SRGAP1: variants seen among roughly 807,000 people sequenced by gnomAD.
The protein encoded by SRGAP1 is SLIT-ROBO Rho GTPase activating protein 1, also known as SLIT-ROBO Rho GTPase-activating protein 1.
A neutral mutation model predicts 121.9 loss-of-function variants in SRGAP1; 43 were observed. The ratio of observed to expected loss-of-function variants is 0.35; its 90% CI spans 0.28 to 0.46. The LOEUF is 0.46. SRGAP1 is among the 20% of genes least tolerant of loss of function. The pLI, the probability that SRGAP1 is intolerant of heterozygous loss-of-function variation, is 1.00. For synonymous variants in SRGAP1, 447 were observed against 485.4 expected, an observed-to-expected ratio of 0.92 and a Z score of 1.04; for missense variants, 1,102 against 1,350.9, an observed-to-expected ratio of 0.82 and a Z score of 2.89.
chr12:63,946,011 C>A (rs999820916), intron 1 of SRGAP1, among the ~76,000 whole-genome samples: 1 of 150,956 alleles, frequency 6.6e-6, no homozygotes, highest in Non-Finnish European at 1.5e-5. Flanking sequence ...ACCTTCCTAC[C>A]TGGTTCACCC....
intron 21 of SRGAP1, among the ~76,000 whole-genome samples, chr12:64,133,269 A>G (rs1448005423): frequency 2.0e-5 from 3 of 152,104 alleles, no homozygotes; most frequent in African/African-American, 7.2e-5. Context: ...TTCCCACCAT[A>G]ATAGCCCCCA....
chr12:64,130,866 G>T (rs2036774272), intron 21 of SRGAP1, among the ~76,000 whole-genome samples: 1 of 152,074 alleles, frequency 6.6e-6, no homozygotes, highest in Non-Finnish European at 1.5e-5. Context: ...GTCTATTCCA[G>T]TGAGGACAAA....
In SRGAP1 at chr12:64,114,331, CTTTTTTTTT is replaced by C. The variant is rs957049187; in HGVS notation, c.2145-1465_2145-1457del. On this transcript the variant is annotated intron_variant, in intron 17 of 21. Transcript: ENST00000355086. ...AGGCCAGTACCAAAGATATGGTTAG[CTTTTTTTTT>C]TTTTTTTTTTTTTTTTTGGAGACAG... Among the ~76,000 whole-genome samples, 161 of 89,246 alleles carry C rather than the reference CTTTTTTTTT, an allele frequency of 1.8e-3. 1 individual carries two copies. Among genetic ancestry groups the C allele is most frequent in the African/African-American group, 7.5e-3 (157 of 20,932 alleles). 58.5% of individuals were successfully genotyped at this position (89,246 alleles called of 152,430 possible).
chr12:63,900,022 G>T (rs1246354761), intron 1 of SRGAP1, among the ~76,000 whole-genome samples: 1 of 151,948 alleles, frequency 6.6e-6, no homozygotes, highest in Non-Finnish European at 1.5e-5. Flanking sequence ...GTTTATTTTG[G>T]GGGAGAGCAT....
At chr12:63,868,028 C>G (rs1592897374) in intron 1 of SRGAP1, among the ~76,000 whole-genome samples, 1 of 67,510 alleles carries the variant, frequency 1.5e-5, no homozygotes, top group African/African-American at 5.4e-5. Context: ...CTGATAAATT[C>G]TATTTCCATA....
At chr12:64,135,528 A>G (rs551228605) in intron 21 of SRGAP1, among the ~76,000 whole-genome samples, 5 of 152,214 alleles carry the variant, frequency 3.3e-5, no homozygotes, top group South Asian at 4.2e-4. Flanking sequence ...TTGGTTCTCT[A>G]CATAATACTC....
At chr12:63,935,892 A>G (rs191282871) in intron 1 of SRGAP1, among the ~76,000 whole-genome samples, 4 of 152,322 alleles carry the variant, frequency 2.6e-5, no homozygotes, top group African/African-American at 7.2e-5. Flanking sequence ...GTGAGTTTAA[A>G]TTTTAGCTGG....
At chr12:64,004,116 C>T (rs555055717) in intron 3 of SRGAP1, among the ~76,000 whole-genome samples, 2 of 152,122 alleles carry the variant, frequency 1.3e-5, no homozygotes, top group Non-Finnish European at 2.9e-5. Context: ...AGCTGAGAAA[C>T]ATTAATGTAA....
intron 18 of SRGAP1, among the ~76,000 whole-genome samples, chr12:64,119,978 C>T (rs925199965): frequency 4.6e-5 from 7 of 151,724 alleles, no homozygotes; most frequent in African/African-American, 1.7e-4. Flanking sequence ...ACCATGTTGG[C>T]CAGGCTGGTC....
rs370435983 is a variant in SRGAP1, at chr12:64,122,888, G to A, written c.2225-3089G>A. 5.3e-5 allele frequency among the ~76,000 whole-genome samples: 8 copies of A among 152,248 alleles called. No homozygotes were observed. The East Asian group carries it at 1.3e-3, about 26-fold the overall frequency. The stretch of plus-strand genomic sequence containing the variant: ...ACTCCAGCCTGGGAACAGAACAAGA[G>A]TCTGTCTCAAAATAAAATAAAATAA... On this transcript the variant is annotated intron_variant, in intron 18 of 21. Coordinates refer to ENST00000355086, the MANE Select transcript of SRGAP1 (RefSeq NM_020762.4).
At chr12:64,012,194 T>A (rs1361640666) in intron 3 of SRGAP1, among the ~76,000 whole-genome samples, 1 of 152,252 alleles carries the variant, frequency 6.6e-6, no homozygotes, top group African/African-American at 2.4e-5. Context: ...ATTTTGGACT[T>A]ATGTTAGAAA....
intron 18 of SRGAP1, among the ~76,000 whole-genome samples, chr12:64,119,775 T>C (rs1479686618): frequency 6.7e-6 from 1 of 149,058 alleles, no homozygotes; most frequent in Non-Finnish European, 1.5e-5. Flanking sequence ...TGTTTCTTTT[T>C]TTTTTTTTTT....
intron 3 of SRGAP1, among the ~76,000 whole-genome samples, chr12:64,004,666 G>A (rs139346327): frequency 7.2e-5 from 11 of 152,184 alleles, no homozygotes; most frequent in African/African-American, 2.2e-4. Context: ...CACCGCGCTC[G>A]GCCCAATAAA....
At chr12:64,038,257 A>G (rs913642818) in intron 4 of SRGAP1, among the ~76,000 whole-genome samples, 2 of 152,214 alleles carry the variant, frequency 1.3e-5, no homozygotes, top group African/African-American at 4.8e-5. Flanking sequence ...AAAGTAAATT[A>G]TACGTATATA....
intron 3 of SRGAP1, among the ~76,000 whole-genome samples, chr12:64,013,140 C>G (rs2034300262): frequency 6.6e-6 from 1 of 152,108 alleles, no homozygotes; most frequent in Non-Finnish European, 1.5e-5. Context: ...TGGGCCACAC[C>G]AAGTGCATTT....
chr12:64,058,049 A>T (rs2035375978), intron 6 of SRGAP1, among the ~76,000 whole-genome samples: 1 of 152,164 alleles, frequency 6.6e-6, no homozygotes, highest in African/African-American at 2.4e-5. Flanking sequence ...AAAATAAAAG[A>T]TATTCCTTCT....
chr12:63,868,298 G>C (rs185983953), intron 1 of SRGAP1, among the ~76,000 whole-genome samples: 1,616 of 151,584 alleles, frequency 0.011, 11 homozygotes, highest in Non-Finnish European at 0.018. Context: ...GGCCAGCCTG[G>C]TGTCAAACTC....
chr12:64,098,757 G>A (rs375695709), intron 15 of SRGAP1, among the ~76,000 whole-genome samples: 26 of 152,254 alleles, frequency 1.7e-4, no homozygotes, highest in Non-Finnish European at 3.5e-4. Context: ...CTCTGCTACT[G>A]CTGCACAGCC....
At chr12:63,907,791 TTG>T (rs1341425623) in intron 1 of SRGAP1, among the ~76,000 whole-genome samples, 1 of 152,184 alleles carries the variant, frequency 6.6e-6, no homozygotes, top group Non-Finnish European at 1.5e-5. Context: ...TAAGTAACCA[TTG>T]CCTAACCCAG....
Sources: gnomAD v4.1 joint callset for allele counts (sites outside exome capture counted in the v4.1 genomes callset) on GRCh38, gnomAD v4.1.1 for gene constraint, MANE v1.5 for transcripts, NCBI Gene and HGNC (gene_info 2026-07-23, HGNC 2026-07-21) for gene names.